YWHAZ: variants seen among roughly 807,000 people sequenced by gnomAD.
YWHAZ encodes 14-3-3 protein zeta/delta.
For missense variants in YWHAZ, 79 were observed against 284.8 expected (o/e 0.28, Z 5.20); for synonymous variants, 87 against 103.6 (o/e 0.84, Z 0.97).
At position 100,948,836 on chromosome 8, in the gene YWHAZ, T is replaced by C. The variant is rs771922865; in HGVS notation, c.54A>G (p.Arg18=). The C allele has an allele frequency of 6.3e-7, 1 of 1,598,866 alleles. No homozygotes were observed. The highest frequency in any genetic ancestry group is 8.5e-7 in the Non-Finnish European group (1 of 1,179,586). ...TCATGCAGGCTGCCATGTCATCATA[T>C]CGCTCAGCCTGCTCGGCCAGTTTGG... ...QKAKLAEQAE[R]YDDMAACMKS... The change falls in exon 2 of 6, where the codon CGA becomes CGG. Residue 18 remains arginine, a synonymous_variant. Transcript: ENST00000395958. The surrounding 1 kb of genome is among the most constrained non-coding windows in gnomAD (Gnocchi z 4.2).
At chr8:100,943,991 A>AAAAAAAG (rs1157585783) in intron 2 of YWHAZ, among the ~76,000 whole-genome samples, 1 of 147,924 alleles carries the variant, frequency 6.8e-6, no homozygotes, top group Non-Finnish European at 1.5e-5. Context: ...CGTCTCAAAA[A>AAAAAAAG]AAAAAAGAAA....
At chr8:100,938,065 G>A (rs768759193) in intron 2 of YWHAZ, among the ~76,000 whole-genome samples, 1 of 152,172 alleles carries the variant, frequency 6.6e-6, no homozygotes, top group Non-Finnish European at 1.5e-5. Flanking sequence ...GGGAGGCAGA[G>A]GTTGCGGTGA....
chr8:100,926,049 CAA>C (rs34422675), intron 2 of YWHAZ, among the ~76,000 whole-genome samples: 2 of 151,050 alleles, frequency 1.3e-5, no homozygotes, highest in Admixed American at 6.6e-5. Flanking sequence ...TCCATTCTTA[CAA>C]AAAAAAAGTA....
At chr8:100,937,433 T>C (rs1345827207) in intron 2 of YWHAZ, among the ~76,000 whole-genome samples, 1 of 152,246 alleles carries the variant, frequency 6.6e-6, no homozygotes, top group Non-Finnish European at 1.5e-5. Flanking sequence ...TTTCACCAAC[T>C]GGTCCTAATA....
At chr8:100,926,485 G>A (rs1813369739) in intron 2 of YWHAZ, among the ~76,000 whole-genome samples, 1 of 152,178 alleles carries the variant, frequency 6.6e-6, no homozygotes, top group Non-Finnish European at 1.5e-5. Flanking sequence ...ACAAAAATTA[G>A]CCAGGCGTGG....
At chr8:100,952,271 C>G (rs1164187513), upstream of YWHAZ, 2 of 515,104 alleles carry the variant, frequency 3.9e-6, no homozygotes, top group Non-Finnish European at 5.0e-6. Flanking sequence ...TCCCACCCCG[C>G]TCGGCTTCCA....
At chr8:100,927,548 C>CA (rs1486878534) in intron 2 of YWHAZ, among the ~76,000 whole-genome samples, 1 of 152,268 alleles carries the variant, frequency 6.6e-6, no homozygotes, top group East Asian at 1.9e-4. Context: ...ACTGCCTAAT[C>CA]ACGTCTTTCA....
At chr8:100,953,113 C>A, upstream of YWHAZ, 1 of 988,102 alleles carries the variant, frequency 1.0e-6, no homozygotes, top group Non-Finnish European at 1.2e-6. Flanking sequence ...GAAAGGACAG[C>A]CTTCTCGGGC....
At chr8:100,951,600 C>T in intron 1 of YWHAZ, 1 of 985,198 alleles carries the variant, frequency 1.0e-6, no homozygotes, top group African/African-American at 1.7e-5. Context: ...CATGCCTCGT[C>T]CACCTTCGGG....
At chr8:100,944,344 A>C (rs1159511991) in intron 2 of YWHAZ, among the ~76,000 whole-genome samples, 2 of 152,204 alleles carry the variant, frequency 1.3e-5, no homozygotes, top group East Asian at 1.9e-4. Flanking sequence ...TGGAGATAAA[A>C]ATCAGTGACC....
At position 100,924,256 on chromosome 8, in the gene YWHAZ, T is replaced by G; in HGVS notation, c.461A>C (p.Glu154Ala). 1 of 1,613,996 alleles carries G rather than the reference T, an allele frequency of 6.2e-7. No homozygotes were observed. The highest frequency in any genetic ancestry group is 8.5e-7 in the Non-Finnish European group (1 of 1,179,996). Residue 154 changes from glutamate (E) to alanine (A), a missense_variant, in exon 4 of 6, where the codon GAA (glutamate) becomes GCA (alanine). Coordinates refer to ENST00000395958, the MANE Select transcript of YWHAZ (RefSeq NM_145690.3). The surrounding 1 kb of genome is among the most constrained non-coding windows in gnomAD (Gnocchi z 5.7). The part of the protein sequence containing the change: ...QSQQAYQEAF[E>A]ISKKEMQPTH... ...TGGTTGCATTTCCTTTTTGCTGATT[T>G]CAAAAGCTTCTTGGTATGCTTGTTG...
intron 2 of YWHAZ, among the ~76,000 whole-genome samples, chr8:100,929,270 G>A (rs1813595674): frequency 6.6e-6 from 1 of 151,556 alleles, no homozygotes; most frequent in African/African-American, 2.4e-5. Flanking sequence ...CGCAATGTCG[G>A]CTCACTGCAA....
intron 2 of YWHAZ, among the ~76,000 whole-genome samples, chr8:100,932,739 T>C (rs1813843272): frequency 6.6e-6 from 1 of 152,206 alleles, no homozygotes; most frequent in African/African-American, 2.4e-5. Context: ...AGCAGCTAGT[T>C]TATCTCACAA....
rs1432428601 is a variant in YWHAZ, at chr8:100,918,001, C to T, written c.*2692G>A. ...CAACCTAGTTCAGATGACTGATGCA[C>T]ATTAAATAGGCAAATGTGCCAAGTT... On this transcript the variant is annotated 3_prime_UTR_variant, in exon 6 of 6. Transcript: ENST00000395958. 2 of 152,026 alleles carry T rather than the reference C, an allele frequency of 1.3e-5. No individual in the cohort carries two copies. The highest frequency in any genetic ancestry group is 6.6e-5 in the Admixed American group (1 of 15,260). The allele number at this position is 152,026 out of a possible 1,614,324, so 9.4% of individuals were successfully genotyped here.
At chr8:100,938,086 T>G (rs1814293449) in intron 2 of YWHAZ, among the ~76,000 whole-genome samples, 1 of 152,154 alleles carries the variant, frequency 6.6e-6, no homozygotes, top group African/African-American at 2.4e-5. Flanking sequence ...GCCAAGATCA[T>G]GCCATTGTAC....
Position 100,920,596 on chromosome 8 carries a change from T to C in YWHAZ, c.*97A>G. The C allele has an allele frequency of 8.4e-7, 1 of 1,196,506 alleles. No individual in the cohort carries two copies. The highest frequency in any genetic ancestry group is 1.2e-6 in the Non-Finnish European group (1 of 808,416). 74.1% of individuals were successfully genotyped at this position (1,196,506 alleles called of 1,614,324 possible). A position where few individuals can be genotyped will look rare whatever the true frequency, so the allele number is the denominator to read the frequency against. ...AAATAGAAGTAACATAAACCTGTCA[T>C]AAATCGTAAACAAAAAACTATTTGT... On this transcript the variant is annotated 3_prime_UTR_variant, in exon 6 of 6. Transcript: ENST00000395958.
At chr8:100,931,960 T>C (rs181075514) in intron 2 of YWHAZ, 1 of 152,282 alleles carries the variant, frequency 6.6e-6, no homozygotes, top group African/African-American at 2.4e-5. Context: ...ACATTTCCTT[T>C]AGTATTTATT....
intron 2 of YWHAZ, chr8:100,931,894 A>C (rs975677398): frequency 6.6e-6 from 1 of 152,256 alleles, no homozygotes; most frequent in African/African-American, 2.4e-5. Context: ...TCATTCAAAA[A>C]CACAGGATTA....
intron 2 of YWHAZ, among the ~76,000 whole-genome samples, chr8:100,947,167 T>C (rs1252894747): frequency 6.8e-6 from 1 of 147,604 alleles, no homozygotes; most frequent in Non-Finnish European, 1.5e-5. Context: ...GGCAGGAGAA[T>C]GGCGTGAACC....
Sources: gnomAD v4.1 joint callset for allele counts (sites outside exome capture counted in the v4.1 genomes callset) on GRCh38, gnomAD v4.1.1 for gene constraint, Gnocchi (gnomAD v3.1) non-coding constraint, MANE v1.5 for transcripts, NCBI Gene and HGNC (gene_info 2026-07-23, HGNC 2026-07-21) for gene names.